Variants in CNTN1 observed in about 807,000 individuals in gnomAD.
The protein encoded by CNTN1 is contactin-1.
A neutral mutation model predicts 126.4 loss-of-function variants in CNTN1; 38 were observed. The ratio of observed to expected loss-of-function variants is 0.30; its 90% confidence interval spans 0.23 to 0.39. The LOEUF (loss-of-function observed/expected upper bound fraction) is 0.39, where lower values mean the gene tolerates loss of function less well. CNTN1 is among the 10% of genes least tolerant of loss of function. The pLI, the probability that CNTN1 is intolerant of heterozygous loss-of-function variation, is 1.00. For synonymous variants in CNTN1, 413 were observed against 422.6 expected (o/e 0.98, Z 0.28); for missense variants, 1,009 against 1,248.4 (o/e 0.81, Z 2.89).
intron 1 of CNTN1, among the ~76,000 whole-genome samples, chr12:40,903,229 C>G (rs1944671676): frequency 6.6e-6 from 1 of 152,150 alleles, no homozygotes; most frequent in Non-Finnish European, 1.5e-5. Flanking sequence ...CAAGAGGTCA[C>G]AGGGCTCTGA....
chr12:40,903,043 T>C lies in CNTN1; in HGVS notation c.-76-5314T>C, dbSNP rs190383361. Among the ~76,000 whole-genome samples, 17 of 152,312 alleles carry C rather than the reference T, an allele frequency of 1.1e-4. 1 individual carries two copies. Among genetic ancestry groups the C allele is most frequent in the African/African-American group, 4.1e-4 (17 of 41,560 alleles). On this transcript the variant is annotated intron_variant, in intron 1 of 23. Transcript: ENST00000551295. The stretch of plus-strand genomic sequence containing the variant: ...TGAGAAGTGCTGTTGTTTTAAAATA[T>C]GTGTAAGAGATTTAGTAAAGGATGC...
rs1312435636 is a variant in CNTN1 at position 40,897,051 on chromosome 12, A to G, written c.-76-11306A>G. On this transcript the variant is annotated intron_variant, in intron 1 of 23. Coordinates refer to ENST00000551295, the MANE Select transcript of CNTN1 (RefSeq NM_001843.4). ...ATGGAGTACATATATCTTAACTACT[A>G]AGCTAAATGTTTTTATCTTTTAATT... is the stretch of plus-strand genomic sequence containing the variant. Among the ~76,000 whole-genome samples the G allele has an allele frequency of 2.0e-5, 3 of 152,230 alleles. No homozygotes were observed. The East Asian group carries it at 5.8e-4, about 29-fold the overall frequency.
chr12:41,003,004 G>A (rs575164738), intron 17 of CNTN1, among the ~76,000 whole-genome samples: 2 of 152,254 alleles, frequency 1.3e-5, no homozygotes, highest in Admixed American at 6.5e-5. Context: ...GTGAGAGATG[G>A]TATCCTGGTC....
intron 15 of CNTN1, among the ~76,000 whole-genome samples, chr12:40,975,732 G>T (rs1592350805): frequency 6.6e-6 from 1 of 152,124 alleles, no homozygotes; most frequent in Non-Finnish European, 1.5e-5. Context: ...AGTACAGAAA[G>T]GTAGCCCAAA....
At chr12:40,843,991 G>A (rs1000740270) in intron 1 of CNTN1, among the ~76,000 whole-genome samples, 4 of 151,300 alleles carry the variant, frequency 2.6e-5, no homozygotes, top group African/African-American at 9.7e-5. Context: ...TGAGACTTTT[G>A]CAGGAGTGCG....
At chr12:40,703,150 A>G (rs958965267) in intron 1 of CNTN1, among the ~76,000 whole-genome samples, 1 of 152,090 alleles carries the variant, frequency 6.6e-6, no homozygotes. Flanking sequence ...CCCTAGTACT[A>G]TTATCAGTCT....
At chr12:41,048,145 A>T (rs1836794358) in intron 23 of CNTN1, among the ~76,000 whole-genome samples, 1 of 152,126 alleles carries the variant, frequency 6.6e-6, no homozygotes, top group African/African-American at 2.4e-5. Flanking sequence ...ACTTGCTCCA[A>T]GCCTACACTT....
At chr12:40,874,349 A>G (rs1943600278) in intron 1 of CNTN1, among the ~76,000 whole-genome samples, 1 of 152,152 alleles carries the variant, frequency 6.6e-6, no homozygotes, top group South Asian at 2.1e-4. Flanking sequence ...ATGATAATAA[A>G]TATCAAAGTC....
At chr12:40,812,470 C>T (rs1362213705) in intron 1 of CNTN1, among the ~76,000 whole-genome samples, 2 of 152,054 alleles carry the variant, frequency 1.3e-5, no homozygotes, top group African/African-American at 2.4e-5. Flanking sequence ...GATTTTCTGT[C>T]TGGATGATTT....
chr12:40,936,323 C>T (rs1946080013), intron 9 of CNTN1, among the ~76,000 whole-genome samples: 1 of 151,950 alleles, frequency 6.6e-6, no homozygotes, highest in African/African-American at 2.4e-5. Flanking sequence ...TTACCGTGGC[C>T]ACTAGCTGAA....
intron 1 of CNTN1, among the ~76,000 whole-genome samples, chr12:40,802,664 C>T (rs1940700453): frequency 6.6e-6 from 1 of 151,888 alleles, no homozygotes; most frequent in African/African-American, 2.4e-5. Flanking sequence ...CAAAACCCTC[C>T]CCAAATTATG....
At chr12:41,054,505 C>T (rs1044360361) in intron 23 of CNTN1, among the ~76,000 whole-genome samples, 2 of 151,926 alleles carry the variant, frequency 1.3e-5, no homozygotes, top group African/African-American at 4.8e-5. Flanking sequence ...TAATTCTCTC[C>T]TCATTTTAAA....
rs144175278 is a variant in CNTN1, at chr12:40,918,840, C to T, written c.227+69C>T. On this transcript the variant is annotated intron_variant, in intron 4 of 23. Coordinates refer to ENST00000551295, the MANE Select transcript of CNTN1 (RefSeq NM_001843.4). ...ATGATCACAGATCAGCATCTATGAA[C>T]TTGTACAGATGTAATATAGTGCTTT... The T allele has an allele frequency of 0.012, 18,224 of 1,557,736 alleles. 135 individuals carry two copies. The highest frequency in any genetic ancestry group is 0.014 in the Non-Finnish European group (16,207 of 1,129,146).
chr12:40,767,991 A>C (rs1341554643), intron 1 of CNTN1, among the ~76,000 whole-genome samples: 1 of 9,332 alleles, frequency 1.1e-4, no homozygotes, highest in Non-Finnish European at 9.6e-3. Context: ...CTAAAGACTG[A>C]TCATTTCTAT....
intron 1 of CNTN1, among the ~76,000 whole-genome samples, chr12:40,700,994 C>A (rs1941580624): frequency 1.3e-5 from 2 of 152,120 alleles, no homozygotes; most frequent in Admixed American, 1.3e-4. Flanking sequence ...CATGGAGAGG[C>A]TAGAATTCAC....
intron 1 of CNTN1, among the ~76,000 whole-genome samples, chr12:40,833,609 T>A (rs770441779): frequency 1.3e-5 from 2 of 152,204 alleles, no homozygotes; most frequent in Non-Finnish European, 2.9e-5. Context: ...TAAACTGTTA[T>A]CTTATTTTGA....
chr12:40,937,713 A>C lies in CNTN1; in HGVS notation c.1228+26A>C, dbSNP rs367868401. ...GTCAGTATCATTTCTAATTTCTGTT[A>C]AACATTGTTAAAGCAATATGTCATA... On this transcript the variant is annotated intron_variant, in intron 11 of 23. Coordinates refer to ENST00000551295, the MANE Select transcript of CNTN1 (RefSeq NM_001843.4). 4 of 1,276,956 alleles carry C rather than the reference A, an allele frequency of 3.1e-6. No individual in the cohort carries two copies. The African/African-American group carries it at 4.4e-5, about 14-fold the overall frequency. The allele number at this position is 1,276,956 out of a possible 1,614,324, so 79.1% of individuals were successfully genotyped here. A position where few individuals can be genotyped will look rare whatever the true frequency, so the allele number is the denominator to read the frequency against.
intron 1 of CNTN1, among the ~76,000 whole-genome samples, chr12:40,854,114 A>G (rs529552197): frequency 4.2e-4 from 63 of 151,286 alleles, no homozygotes; most frequent in African/African-American, 1.5e-3. Context: ...TCTCTCAAGG[A>G]TATAATGATA....
At chr12:40,759,774 A>ATTTTTTTTTTTTTTTTTTTTTTTT (rs33992864) in intron 1 of CNTN1, among the ~76,000 whole-genome samples, 2 of 133,582 alleles carry the variant, frequency 1.5e-5, no homozygotes, top group Admixed American at 7.8e-5. Flanking sequence ...TGGCCCAGAT[A>ATTTTTTTTTTTTTTTTTTTTTTTT]TTTTTTTTTT....
Sources: gnomAD v4.1 joint callset for allele counts (sites outside exome capture counted in the v4.1 genomes callset) on GRCh38, gnomAD v4.1.1 for gene constraint, MANE v1.5 for transcripts, NCBI Gene and HGNC (gene_info 2026-07-23, HGNC 2026-07-21) for gene names.